The following PRKG2 variants were observed in gnomAD, a reference collection of about 807,000 sequenced individuals.
PRKG2 encodes the protein protein kinase cGMP-dependent 2.
A neutral mutation model predicts 97.2 loss-of-function variants in PRKG2; 33 were observed. That is an observed-to-expected ratio of 0.34 (90% confidence interval 0.26 to 0.45). PRKG2 has a LOEUF of 0.45. Ranked by LOEUF, PRKG2 falls within the 20% of genes least tolerant of loss-of-function variation. PRKG2 has a pLI of 1.00. For missense variants in PRKG2, 638 were observed against 900.0 expected (o/e 0.71, Z 3.73); for synonymous variants, 330 against 321.8 (o/e 1.03, Z -0.27).
At chr4:81,203,873 C>T (rs1205545555) in intron 2 of PRKG2, among the ~76,000 whole-genome samples, 1 of 152,176 alleles carries the variant, frequency 6.6e-6, no homozygotes, top group Non-Finnish European at 1.5e-5. Flanking sequence ...TCCTTGAAGT[C>T]TGTTAAAGGT....
At chr4:81,091,578 T>C (rs1428205767) in intron 18 of PRKG2, among the ~76,000 whole-genome samples, 1 of 152,180 alleles carries the variant, frequency 6.6e-6, no homozygotes, top group African/African-American at 2.4e-5. Flanking sequence ...CCACCATGCC[T>C]GGCCTAGTGT....
At chr4:81,175,842 A>C (rs1750874036) in intron 2 of PRKG2, among the ~76,000 whole-genome samples, 1 of 152,160 alleles carries the variant, frequency 6.6e-6, no homozygotes. Flanking sequence ...TCATATGTAG[A>C]TATCATAAAA....
At chr4:81,119,788 C>A (rs1744900417) in intron 14 of PRKG2, among the ~76,000 whole-genome samples, 1 of 151,944 alleles carries the variant, frequency 6.6e-6, no homozygotes, top group Admixed American at 6.6e-5. Flanking sequence ...CATTCTCCTG[C>A]CTCAGCCTCC....
At position 81,160,179 on chromosome 4, in the gene PRKG2, TAAAG is replaced by T. The variant is rs556433663; in HGVS notation, c.913-6462_913-6459del. On this transcript the variant is annotated intron_variant, in intron 6 of 18. Transcript: ENST00000264399. ...AAGTGGAGACACATAATTGAAGACA[TAAAG>T]AAAGCAGAACTCCTTTTGTCTTTGA... is the stretch of plus-strand genomic sequence containing the variant. Among the ~76,000 whole-genome samples, 172 of 152,182 alleles carry T rather than the reference TAAAG, an allele frequency of 1.1e-3. 2 individuals carry two copies. Among genetic ancestry groups the T allele is most frequent in the African/African-American group, 3.2e-3 (131 of 41,550 alleles).
chr4:81,101,862 T>C (rs1742834324), intron 17 of PRKG2, among the ~76,000 whole-genome samples: 1 of 152,202 alleles, frequency 6.6e-6, no homozygotes, highest in South Asian at 2.1e-4. Context: ...TTTGTTTGTT[T>C]GTTTGTTTTT....
intron 15 of PRKG2, among the ~76,000 whole-genome samples, chr4:81,106,985 A>C (rs1026796923): frequency 6.6e-6 from 1 of 152,200 alleles, no homozygotes; most frequent in Non-Finnish European, 1.5e-5. Context: ...TAAGCCACCC[A>C]GTTTATAGTA....
rs375775695 is a variant in PRKG2 at position 81,211,177 on chromosome 4, T to A, written c.-14+3759A>T. Among the ~76,000 whole-genome samples, 42 of 152,284 alleles carry A rather than the reference T, an allele frequency of 2.8e-4. No homozygotes were observed. In the South Asian group the frequency reaches 8.5e-3, roughly 31 times the overall value. On this transcript the variant is annotated intron_variant, in intron 1 of 18. Transcript: ENST00000264399. The stretch of plus-strand genomic sequence containing the variant: ...AATATACAAAAGGAATGAACCCCAA[T>A]GTAAACTATGGACTTTAATAATAAT...
intron 6 of PRKG2, among the ~76,000 whole-genome samples, chr4:81,163,899 C>A (rs1398279094): frequency 6.8e-6 from 1 of 146,882 alleles, no homozygotes; most frequent in Non-Finnish European, 1.5e-5. Context: ...CACACACACA[C>A]ACACCTCTGT....
At position 81,133,793 on chromosome 4, in the gene PRKG2, T is replaced by C. The variant is rs538289624; in HGVS notation, c.1776+1362A>G. 2.0e-5 allele frequency among the ~76,000 whole-genome samples: 3 copies of C among 152,170 alleles called. No homozygotes were observed. The South Asian group carries it at 6.2e-4, about 32-fold the overall frequency. On this transcript the variant is annotated intron_variant, in intron 14 of 18. Coordinates refer to ENST00000264399, the MANE Select transcript of PRKG2 (RefSeq NM_006259.3). ...GACCTCTATGCCTACACATGTGAAA[T>C]ATGTTTTTTTTAAAAAAAAGCATCT...
In PRKG2 at chr4:81,169,710, C is replaced by T. The variant is rs139783198; in HGVS notation, c.801G>A (p.Arg267=). The change falls in exon 5 of 19, where the codon AGG becomes AGA. Residue 267 remains arginine (R), a synonymous_variant. Coordinates refer to ENST00000264399, the MANE Select transcript of PRKG2 (RefSeq NM_006259.3). ...GTTCATCTCTAGCTTGGGCTGTCCT[C>T]CTCATTATATTCTGGAATACCTCTC... The part of the protein sequence containing the change: ...LDREVFQNIM[R]RTAQARDEQY... 619 of 1,610,198 alleles carry T rather than the reference C, an allele frequency of 3.8e-4. No individual in the cohort carries two copies. Among genetic ancestry groups the T allele is most frequent in the Non-Finnish European group, 4.7e-4 (555 of 1,178,000 alleles).
chr4:81,185,500 C>T (rs1686243388), intron 2 of PRKG2, among the ~76,000 whole-genome samples: 1 of 152,168 alleles, frequency 6.6e-6, no homozygotes, highest in African/African-American at 2.4e-5. Flanking sequence ...AAAGGAGAAA[C>T]CAGTACCAGC....
intron 17 of PRKG2, 33 bp from the exon 18 acceptor site, chr4:81,092,485 G>T (rs886874212): frequency 1.0e-6 from 1 of 960,868 alleles, no homozygotes; most frequent in Non-Finnish European, 1.6e-6. Flanking sequence ...AGGAAGGAAG[G>T]AAGGAAGGAA....
At chr4:81,190,737 A>G (rs1752413008) in intron 2 of PRKG2, among the ~76,000 whole-genome samples, 1 of 152,180 alleles carries the variant, frequency 6.6e-6, no homozygotes, top group African/African-American at 2.4e-5. Flanking sequence ...AAACAAATCT[A>G]CGAGAAAAAA....
At chr4:81,127,406 A>C (rs1745708486) in intron 14 of PRKG2, among the ~76,000 whole-genome samples, 1 of 152,164 alleles carries the variant, frequency 6.6e-6, no homozygotes, top group African/African-American at 2.4e-5. Flanking sequence ...CTGTGAAGAA[A>C]GTCAGTGGTA....
chr4:81,155,814 A>G (rs1749029479), intron 6 of PRKG2, among the ~76,000 whole-genome samples: 3 of 152,116 alleles, frequency 2.0e-5, no homozygotes, highest in Non-Finnish European at 4.4e-5. Context: ...CCAGAATTTC[A>G]TATCCAGCCA....
chr4:81,140,789 CT>C (rs1188275498), intron 11 of PRKG2, 120 bp from the exon 12 acceptor site: 1 of 749,148 alleles, frequency 1.3e-6, no homozygotes, highest in East Asian at 2.8e-5. Flanking sequence ...CCACTTATCC[CT>C]TTGAGAACTT....
intron 2 of PRKG2, among the ~76,000 whole-genome samples, chr4:81,182,970 T>C: frequency 6.6e-6 from 1 of 152,156 alleles, no homozygotes; most frequent in East Asian, 1.9e-4. Flanking sequence ...TTGATCAGGT[T>C]CAATGAAATC....
chr4:81,163,896 A>ACT (rs1312359876), intron 6 of PRKG2, among the ~76,000 whole-genome samples: 1 of 150,336 alleles, frequency 6.7e-6, no homozygotes, highest in Non-Finnish European at 1.5e-5. Context: ...ACACACACAC[A>ACT]CACACACCTC....
chr4:81,144,984 C>T (rs1747716949), intron 9 of PRKG2, among the ~76,000 whole-genome samples: 1 of 152,036 alleles, frequency 6.6e-6, no homozygotes, highest in Admixed American at 6.6e-5. Context: ...ATATGTGCCA[C>T]ATTTTCTTAA....
Sources: gnomAD v4.1 joint callset for allele counts (sites outside exome capture counted in the v4.1 genomes callset) on GRCh38, gnomAD v4.1.1 for gene constraint, MANE v1.5 for transcripts, NCBI Gene and HGNC (gene_info 2026-07-23, HGNC 2026-07-21) for gene names.